Variants in OGA observed in about 807,000 individuals in gnomAD.
OGA encodes the protein protein O-GlcNAcase.
OGA carries 21 observed loss-of-function variants against 102.0 expected under a neutral mutation model. The ratio of observed to expected loss-of-function variants is 0.21; its 90% CI spans 0.15 to 0.30. OGA has a LOEUF of 0.30. OGA is among the 10% of genes least tolerant of loss of function. The probability of loss-of-function intolerance (pLI) is 1.00; values close to 1 mark genes in which losing one functional copy is unlikely to be tolerated. For missense variants in OGA, 765 were observed against 1,107.8 expected, an observed-to-expected ratio of 0.69 and a Z score of 4.39; for synonymous variants, 408 against 378.2, an observed-to-expected ratio of 1.08 and a Z score of -0.91.
At chr10:101,797,103 T>C (rs1197107661) in intron 10 of OGA, 1 of 152,108 alleles carries the variant, frequency 6.6e-6, no homozygotes, top group Admixed American at 6.6e-5. Flanking sequence ...ACTACTACTT[T>C]TTATTCTAAG....
intron 14 of OGA, chr10:101,787,751 G>A (rs1440837841): frequency 6.0e-6 from 3 of 496,254 alleles, no homozygotes; most frequent in East Asian, 3.2e-5. Context: ...TCTCCCTCGC[G>A]TGCACGCGCT....
In OGA at chr10:101,818,406, T is replaced by C. The variant is rs2065672007; in HGVS notation, c.-384A>G. 6.9e-6 allele frequency: 7 copies of C among 1,020,530 alleles called. No homozygotes were observed. The highest frequency in any genetic ancestry group is 8.2e-6 in the Non-Finnish European group (7 of 852,194). The allele number at this position is 1,020,530 out of a possible 1,614,324, so 63.2% of individuals were successfully genotyped here. A position where few individuals can be genotyped will look rare whatever the true frequency, so the allele number is the denominator to read the frequency against. On this transcript the variant is annotated 5_prime_UTR_variant, in exon 1 of 16. Coordinates refer to ENST00000361464, the MANE Select transcript of OGA (RefSeq NM_012215.5). ...TCCCCTCCAAGCCCCGAGCTCTCCC[T>C]CTGCTGCTGCCTCCACCGCCCGCTT...
chr10:101,808,870 TGAG>T (rs2065510415), intron 4 of OGA, among the ~76,000 whole-genome samples: 1 of 152,030 alleles, frequency 6.6e-6, no homozygotes, highest in African/African-American at 2.4e-5. Flanking sequence ...CTCAGGAGGC[TGAG>T]GCCAGAGAAT....
intron 7 of OGA, among the ~76,000 whole-genome samples, chr10:101,803,099 C>T (rs988906607): frequency 6.7e-6 from 1 of 150,184 alleles, no homozygotes; most frequent in African/African-American, 2.5e-5. Flanking sequence ...TGAGATTGCG[C>T]CACTGCACTC....
chr10:101,797,689 G>A, intron 10 of OGA: 2 of 546,152 alleles, frequency 3.7e-6, no homozygotes, highest in Admixed American at 3.5e-5. Flanking sequence ...GGTATACAGG[G>A]TTCCATCCAG....
intron 8 of OGA, among the ~76,000 whole-genome samples, chr10:101,799,793 A>T (rs1268379366): frequency 6.6e-6 from 1 of 152,232 alleles, no homozygotes; most frequent in Admixed American, 6.5e-5. Flanking sequence ...ACCAAAAGTA[A>T]GATTTAAAAA....
rs763239760 is a variant in OGA at position 101,803,867 on chromosome 10, C to A, written c.904G>T (p.Glu302Ter). 1 of 1,614,210 alleles carries A rather than the reference C, an allele frequency of 6.2e-7. No homozygotes were observed. The highest frequency in any genetic ancestry group is 1.1e-5 in the South Asian group (1 of 91,080). ...ACTCCTTTTAACCGTGGGATGAGTT[C>A]TGTGGATCTTCCTTTGTACGGGCCC... The part of the protein sequence containing the change: ...FLGPYKGRST[E>*]LIPRLKGVLT... The change falls in exon 7 of 16, where the codon GAA becomes TAA. Residue 302 changes from glutamate (E) to a stop codon, truncating the protein, a stop_gained. Coordinates refer to ENST00000361464, the MANE Select transcript of OGA (RefSeq NM_012215.5). LOFTEE classifies it high-confidence loss of function.
chr10:101,798,278 C>A, intron 9 of OGA, 124 bp from the exon 10 acceptor site: 1 of 836,968 alleles, frequency 1.2e-6, no homozygotes, highest in Non-Finnish European at 1.8e-6. Context: ...ATTAAAGTAT[C>A]ATTTTGTGTC....
chr10:101,790,887 T>C lies in OGA; in HGVS notation c.2454+9A>G, dbSNP rs1354586295. 1.3e-6 allele frequency: 2 copies of C among 1,568,678 alleles called. No homozygotes were observed. The highest frequency in any genetic ancestry group is 1.7e-6 in the Non-Finnish European group (2 of 1,148,088). On this transcript the variant is annotated intron_variant, in intron 14 of 15. Transcript: ENST00000361464. ...ATTACCATAGTATAATTCTTAACCT[T>C]TGTATTACCTCAGCCTCAGAGAGTT...
chr10:101,817,847 C>T lies in OGA; in HGVS notation c.176G>A (p.Arg59Gln), dbSNP rs1436051486. 2.6e-6 allele frequency: 4 copies of T among 1,540,532 alleles called. No individual in the cohort carries two copies. Among genetic ancestry groups the T allele is most frequent in the East Asian group, 4.9e-5 (2 of 40,962 alleles). ...AVAGAAGGAR[R>Q]FLCGVVEGFY... ...ACCTTCCACCACACCGCAGAGGAAC[C>T]GCCGAGCCCCTCCTGCAGCCCCGGC... Residue 59 changes from arginine to glutamine, a missense_variant, in exon 1 of 16, where the codon CGG (arginine) becomes CAG (glutamine). This residue lies in a region of OGA where 117 missense variants were observed against 85.7 expected (regional missense o/e 1.36). Coordinates refer to ENST00000361464, the MANE Select transcript of OGA (RefSeq NM_012215.5).
intron 4 of OGA, among the ~76,000 whole-genome samples, chr10:101,809,930 C>T (rs1483202988): frequency 6.6e-6 from 1 of 151,878 alleles, no homozygotes; most frequent in Non-Finnish European, 1.5e-5. Flanking sequence ...ATAGTCCCAG[C>T]TACTCGGGAA....
intron 8 of OGA, among the ~76,000 whole-genome samples, chr10:101,799,882 C>CT (rs1048804271): frequency 1.3e-5 from 2 of 151,766 alleles, no homozygotes; most frequent in African/African-American, 4.8e-5. Context: ...TGACAGTGTT[C>CT]TTTTTTTTGA....
At position 101,786,292 on chromosome 10, in the gene OGA, T is replaced by C. The variant is rs775344629; in HGVS notation, c.*159A>G. On this transcript the variant is annotated 3_prime_UTR_variant, in exon 16 of 16. Transcript: ENST00000361464. ...CTATATTCTTCCAACCAGTGAGTAG[T>C]CTCAAAGTGTGATGGGTGAGTTTTA... The C allele has an allele frequency of 5.0e-5, 32 of 641,996 alleles. No homozygotes were observed. The highest frequency in any genetic ancestry group is 1.9e-4 in the Admixed American group (5 of 26,628). 39.8% of individuals were successfully genotyped at this position (641,996 alleles called of 1,614,324 possible). A position where few individuals can be genotyped will look rare whatever the true frequency, so the allele number is the denominator to read the frequency against.
intron 10 of OGA, chr10:101,797,514 G>C (rs1206942217): frequency 5.8e-6 from 1 of 173,204 alleles, no homozygotes; most frequent in Non-Finnish European, 1.2e-5. Context: ...ACTAAAGCTC[G>C]CATGCGCACA....
At chr10:101,802,529 C>A in intron 7 of OGA, among the ~76,000 whole-genome samples, 1 of 151,808 alleles carries the variant, frequency 6.6e-6, no homozygotes, top group East Asian at 2.0e-4. Context: ...ATTAGCCAGG[C>A]ATGGTGGCGC....
chr10:101,800,244 C>T lies in OGA; in HGVS notation c.1193G>A (p.Ser398Asn), dbSNP rs146955407. ...LQEFGVPHQY[S>N]SRQVAHSGAK... is the part of the protein sequence containing the mutation. ...TAACAAAGAATGGCCAAACTCACTG[C>T]TGTATTGATGAGGCACACCAAACTC... The change falls in exon 8 of 16, where the codon AGC (serine) becomes AAC (asparagine). Residue 398 changes from serine (S) to asparagine (N), a missense_variant and splice_region_variant. Physicochemically the swap from Ser to Asn is conservative, Grantham distance 46 (BLOSUM62 1). This residue lies in a region of OGA where 281 missense variants were observed against 345.8 expected (regional missense o/e 0.81). Coordinates refer to ENST00000361464, the MANE Select transcript of OGA (RefSeq NM_012215.5). The T allele has an allele frequency of 1.2e-6, 2 of 1,613,420 alleles. No individual in the cohort carries two copies. The highest frequency in any genetic ancestry group is 2.7e-5 in the African/African-American group (2 of 74,892).
intron 12 of OGA, among the ~76,000 whole-genome samples, chr10:101,791,989 G>A (rs893779751): frequency 6.6e-6 from 1 of 151,774 alleles, no homozygotes; most frequent in Non-Finnish European, 1.5e-5. Context: ...ACCACGCCCA[G>A]CTAATTTAGT....
intron 14 of OGA, among the ~76,000 whole-genome samples, chr10:101,788,550 C>G (rs1365531608): frequency 1.3e-5 from 2 of 151,478 alleles, no homozygotes; most frequent in Non-Finnish European, 2.9e-5. Context: ...GCCTGGCCAA[C>G]ATCGTGAAAC....
rs2065189557 is a variant in OGA at position 101,786,316 on chromosome 10, TA to T, written c.*134del. 3.2e-6 allele frequency: 3 copies of T among 927,890 alleles called. No homozygotes were observed. Among genetic ancestry groups the T allele is most frequent in the Non-Finnish European group, 3.0e-6 (2 of 658,770 alleles). 57.5% of individuals were successfully genotyped at this position (927,890 alleles called of 1,614,324 possible). ...GTCTCAAAGTGTGATGGGTGAGTTTTACATAGTCTTCTTTGTTTCGAATCCA... is the reference window on the plus strand; with the variant it reads ...GTCTCAAAGTGTGATGGGTGAGTTTTCATAGTCTTCTTTGTTTCGAATCCA... On this transcript the variant is annotated 3_prime_UTR_variant, in exon 16 of 16. Coordinates refer to ENST00000361464, the MANE Select transcript of OGA (RefSeq NM_012215.5).
Sources: allele counts gnomAD v4.1 joint callset (sites outside exome capture counted in the v4.1 genomes callset), GRCh38; gene constraint gnomAD v4.1.1; regional missense constraint gnomAD v4.1.1; transcripts MANE v1.5; gene names NCBI Gene and HGNC (gene_info 2026-07-23, HGNC 2026-07-21).